Variants in FSD2 observed in about 807,000 individuals in gnomAD.
FSD2 encodes the protein fibronectin type III and SPRY domain-containing protein 2.
Under a neutral mutation model 80.4 loss-of-function variants are expected in FSD2, and 71 were observed. The ratio of observed to expected loss-of-function variants is 0.88; its 90% CI spans 0.73 to 1.08. The LOEUF (loss-of-function observed/expected upper bound fraction) is 1.08. Among genes scored for constraint, FSD2 ranks in the 50% least tolerant of loss-of-function variants. The pLI is 0.00. For synonymous variants in FSD2, 361 were observed against 329.5 expected (o/e 1.10, Z -1.03); for missense variants, 923 against 913.8 (o/e 1.01, Z -0.13).
intron 9 of FSD2, among the ~76,000 whole-genome samples, chr15:82,768,400 ACCT>A (rs2049473609): frequency 6.6e-6 from 1 of 151,970 alleles, no homozygotes; most frequent in Admixed American, 6.6e-5. Flanking sequence ...GTGGATCCTC[ACCT>A]CCACCACCAT....
At chr15:82,762,960 A>G (rs1303727364) in intron 11 of FSD2, among the ~76,000 whole-genome samples, 2 of 152,228 alleles carry the variant, frequency 1.3e-5, no homozygotes, top group Non-Finnish European at 2.9e-5. Flanking sequence ...CAAAATATAT[A>G]TAGACCTCAA....
chr15:82,773,771 C>G (rs1030925574), intron 6 of FSD2, among the ~76,000 whole-genome samples: 1 of 152,044 alleles, frequency 6.6e-6, no homozygotes, highest in Non-Finnish European at 1.5e-5. Flanking sequence ...TAGAAACACC[C>G]CAGTATCCAA....
At position 82,783,167 on chromosome 15, in the gene FSD2, T is replaced by G. The variant is rs1229105599; in HGVS notation, c.736-142A>C. The G allele has an allele frequency of 3.9e-5, 25 of 639,692 alleles. No homozygotes were observed. In the Middle Eastern group the frequency reaches 4.8e-3, roughly 123 times the overall value. 39.6% of individuals were successfully genotyped at this position (639,692 alleles called of 1,614,324 possible). A position where few individuals can be genotyped will look rare whatever the true frequency, so the allele number is the denominator to read the frequency against. ...AGGCTGGAGTACAGTAGTGTGATCT[T>G]GGCTCATTGCAACCTCTGCCCCCCA... On this transcript the variant is annotated intron_variant, in intron 3 of 12. Transcript: ENST00000334574.
At chr15:82,778,510 C>T (rs1224968962) in intron 6 of FSD2, among the ~76,000 whole-genome samples, 2 of 151,844 alleles carry the variant, frequency 1.3e-5, no homozygotes, top group South Asian at 2.1e-4. Context: ...AAGCAGAGAA[C>T]GGAATTGTGG....
chr15:82,779,252 A>G (rs1270079514), intron 5 of FSD2, among the ~76,000 whole-genome samples: 2 of 152,174 alleles, frequency 1.3e-5, no homozygotes, highest in African/African-American at 4.8e-5. Flanking sequence ...CTGAGGGTCC[A>G]GACTCCCCAG....
At chr15:82,797,137 T>C (rs917531173) in intron 1 of FSD2, among the ~76,000 whole-genome samples, 1 of 152,158 alleles carries the variant, frequency 6.6e-6, no homozygotes, top group Non-Finnish European at 1.5e-5. Context: ...AAAATTTGTT[T>C]TCAAGCTAAG....
At position 82,757,412 on chromosome 15, in the gene FSD2, A is replaced by C. The variant is rs1007802582; in HGVS notation, c.*1936T>G. 2.7e-5 allele frequency: 4 copies of C among 147,046 alleles called. No individual in the cohort carries two copies. The highest frequency in any genetic ancestry group is 3.5e-3 in the Middle Eastern group (1 of 284). 9.1% of individuals were successfully genotyped at this position (147,046 alleles called of 1,614,324 possible). On this transcript the variant is annotated 3_prime_UTR_variant, in exon 13 of 13. Transcript: ENST00000334574. Reference sequence around the variant, plus strand: ...CTGTGAGCCATCTCGGCTCACTGCAAGCTCCACCTCCCGGGTTCACGCCAT... The same window carrying C: ...CTGTGAGCCATCTCGGCTCACTGCACGCTCCACCTCCCGGGTTCACGCCAT...
At chr15:82,759,836 C>G (rs1427798702) in intron 12 of FSD2, among the ~76,000 whole-genome samples, 1 of 151,930 alleles carries the variant, frequency 6.6e-6, no homozygotes, top group East Asian at 1.9e-4. Context: ...CTCTGTCACC[C>G]AGGCTGGAGT....
chr15:82,785,214 A>G (rs2049966596), intron 3 of FSD2, among the ~76,000 whole-genome samples: 1 of 152,204 alleles, frequency 6.6e-6, no homozygotes, highest in Non-Finnish European at 1.5e-5. Flanking sequence ...GTCAAAGAAT[A>G]GAAACTCCTT....
At position 82,769,924 on chromosome 15, in the gene FSD2, G is replaced by A. The variant is rs771831588; in HGVS notation, c.1268-40C>T. The A allele has an allele frequency of 6.2e-6, 10 of 1,608,434 alleles. No homozygotes were observed. The South Asian group carries it at 8.8e-5, about 14-fold the overall frequency. On this transcript the variant is annotated intron_variant, in intron 7 of 12. Transcript: ENST00000334574. ...AGATAAGAATTCAACCCTAAAAACTGGCCAAGTGGCTCCAATTCATTATGC... is the reference window on the plus strand; with the variant it reads ...AGATAAGAATTCAACCCTAAAAACTAGCCAAGTGGCTCCAATTCATTATGC...
At chr15:82,803,014 G>C (rs1160918160) in intron 1 of FSD2, among the ~76,000 whole-genome samples, 1 of 152,102 alleles carries the variant, frequency 6.6e-6, no homozygotes, top group Non-Finnish European at 1.5e-5. Flanking sequence ...CTAGGCGCTG[G>C]GGGTACAATG....
intron 9 of FSD2, among the ~76,000 whole-genome samples, chr15:82,768,513 C>T (rs529588259): frequency 9.2e-5 from 14 of 152,214 alleles, no homozygotes; most frequent in Non-Finnish European, 1.3e-4. Flanking sequence ...AGACTGTCAG[C>T]CCCATTAGGG....
rs1232419338 is a variant in FSD2, at chr15:82,769,730, G to A, written c.1402+20C>T. ...CCGCTTGAATGAAAGCCCTGCTATA[G>A]GAAATGAGTAGCCCATTACCTGTCA... On this transcript the variant is annotated intron_variant, in intron 8 of 12. Transcript: ENST00000334574. 6.3e-7 allele frequency: 1 copy of A among 1,594,014 alleles called. No homozygotes were observed. The highest frequency in any genetic ancestry group is 1.3e-5 in the African/African-American group (1 of 74,644).
intron 7 of FSD2, 33 bp downstream of exon 7, chr15:82,772,040 A>G (rs1425549318): frequency 2.6e-6 from 4 of 1,519,004 alleles, no homozygotes; most frequent in Non-Finnish European, 3.5e-6. Flanking sequence ...AACTGTTCCC[A>G]TGAGCACGGG....
chr15:82,793,196 T>C (rs879287323), intron 1 of FSD2, among the ~76,000 whole-genome samples: 1 of 152,028 alleles, frequency 6.6e-6, no homozygotes, highest in Admixed American at 6.6e-5. Flanking sequence ...CCCAGGTCCA[T>C]GTGATTTTCC....
At chr15:82,779,750 G>A (rs1210052827) in intron 5 of FSD2, among the ~76,000 whole-genome samples, 1 of 151,088 alleles carries the variant, frequency 6.6e-6, no homozygotes, top group Non-Finnish European at 1.5e-5. Flanking sequence ...CTATGTTCAT[G>A]TTGCTTTATG....
At position 82,786,839 on chromosome 15, in the gene FSD2, C is replaced by T. The variant is rs1259313727; in HGVS notation, c.552G>A (p.Lys184=). Residue 184 remains lysine (K), a synonymous_variant, in exon 2 of 13, where the codon AAG becomes AAA. Transcript: ENST00000334574. ...CCTTCTGAAAAGCTCTTATTGGAGT[C>T]TTACAAGTGACACAGAAGACATCAG... The part of the protein sequence containing the change: ...EAADVFCVTC[K]TPIRAFQKVF... 1.2e-6 allele frequency: 2 copies of T among 1,614,032 alleles called. No homozygotes were observed. The highest frequency in any genetic ancestry group is 3.3e-5 in the Admixed American group (2 of 60,026).
At chr15:82,760,987 C>G (rs1315552827) in intron 12 of FSD2, among the ~76,000 whole-genome samples, 1 of 152,178 alleles carries the variant, frequency 6.6e-6, no homozygotes, top group Non-Finnish European at 1.5e-5. Flanking sequence ...TTACTTCAGG[C>G]AGAATCCCCA....
At chr15:82,787,517 A>G (rs2050032083) in intron 1 of FSD2, 49 bp from the exon 2 acceptor site, 1 of 860,186 alleles carries the variant, frequency 1.2e-6, no homozygotes, top group South Asian at 2.0e-5. Flanking sequence ...AGGGCATTGC[A>G]GTAGATGATC....
Sources: allele counts gnomAD v4.1 joint callset (sites outside exome capture counted in the v4.1 genomes callset), GRCh38; gene constraint gnomAD v4.1.1; transcripts MANE v1.5; gene names NCBI Gene and HGNC (gene_info 2026-07-23, HGNC 2026-07-21).